ADAM22: variants seen among roughly 807,000 people sequenced by gnomAD.
ADAM22 encodes the protein ADAM metallopeptidase domain 22, also known as disintegrin and metalloproteinase domain-containing protein 22.
ADAM22 carries 65 observed loss-of-function variants against 144.6 expected under a neutral mutation model. That is an observed-to-expected ratio of 0.45 (90% CI 0.37 to 0.55). The LOEUF (loss-of-function observed/expected upper bound fraction) is 0.55. Among genes scored for constraint, ADAM22 ranks in the 20% least tolerant of loss-of-function variants. ADAM22 has a pLI of 0.00. For synonymous variants in ADAM22, 391 were observed against 412.6 expected, an observed-to-expected ratio of 0.95 and a Z score of 0.63; for missense variants, 974 against 1,184.9, an observed-to-expected ratio of 0.82 and a Z score of 2.61.
chr7:88,109,060 C>T (rs1825307594), intron 5 of ADAM22, among the ~76,000 whole-genome samples: 1 of 152,008 alleles, frequency 6.6e-6, no homozygotes, highest in Admixed American at 6.6e-5. Flanking sequence ...ATATTTTTGT[C>T]AAATAATAGC....
intron 3 of ADAM22, among the ~76,000 whole-genome samples, chr7:88,044,097 T>C (rs947239451): frequency 3.0e-4 from 45 of 152,242 alleles, no homozygotes; most frequent in African/African-American, 1.0e-3. Flanking sequence ...ATGTCAGTTA[T>C]TAAAAAGTAG....
intron 3 of ADAM22, among the ~76,000 whole-genome samples, chr7:88,008,852 T>A (rs564763755): frequency 4.2e-4 from 63 of 150,912 alleles, no homozygotes; most frequent in South Asian, 3.6e-3. Context: ...CATATGTAAC[T>A]AACCTGCACA....
intron 2 of ADAM22, among the ~76,000 whole-genome samples, chr7:87,953,269 G>C (rs1344254584): frequency 5.9e-5 from 9 of 151,776 alleles, no homozygotes; most frequent in Non-Finnish European, 1.3e-4. Flanking sequence ...GCTTTCTCTT[G>C]TGGGCATTTA....
chr7:88,151,416 T>A (rs1407321058), intron 20 of ADAM22, 96 bp downstream of exon 20: 2 of 1,360,724 alleles, frequency 1.5e-6, no homozygotes, highest in African/African-American at 2.9e-5. Context: ...GACTACTTTA[T>A]GACTGGGGGA....
intron 3 of ADAM22, among the ~76,000 whole-genome samples, chr7:88,018,611 C>A (rs182039362): frequency 1.6e-3 from 244 of 152,216 alleles, no homozygotes; most frequent in African/African-American, 5.6e-3. Flanking sequence ...CATTTGTTGA[C>A]AATAAGGCAC....
chr7:88,200,885 T>C lies in ADAM22; in HGVS notation c.*4394T>C, dbSNP rs75157727. 831 of 152,368 alleles carry C rather than the reference T, an allele frequency of 5.5e-3. 1 individual carries two copies. The highest frequency in any genetic ancestry group is 0.024 in the Middle Eastern group (7 of 294). 9.4% of individuals were successfully genotyped at this position (152,368 alleles called of 1,614,324 possible). On this transcript the variant is annotated 3_prime_UTR_variant, in exon 32 of 32. Transcript: ENST00000413139. Reference sequence around the variant, plus strand: ...GATAAACAGTTTCCCATTGATAGTATAATATAATGAGGGGCCCAGTCTGCT... The same window carrying C: ...GATAAACAGTTTCCCATTGATAGTACAATATAATGAGGGGCCCAGTCTGCT...
At chr7:87,982,429 C>A (rs1853779832) in intron 3 of ADAM22, among the ~76,000 whole-genome samples, 1 of 151,488 alleles carries the variant, frequency 6.6e-6, no homozygotes, top group African/African-American at 2.4e-5. Flanking sequence ...GAGGCAGGAA[C>A]AAGCTTAGCA....
chr7:88,163,225 A>G, intron 23 of ADAM22, 45 bp downstream of exon 23: 2 of 1,482,488 alleles, frequency 1.3e-6, no homozygotes, highest in Non-Finnish European at 1.8e-6. Flanking sequence ...TTTATATCAC[A>G]GAAATAGACA....
rs140236265 is a variant in ADAM22, at chr7:88,104,568, T to G, written c.391-3608T>G. Among the ~76,000 whole-genome samples the G allele has an allele frequency of 5.6e-3, 845 of 151,288 alleles. 11 individuals carry two copies. Among genetic ancestry groups the G allele is most frequent in the East Asian group, 0.037 (193 of 5,174 alleles). On this transcript the variant is annotated intron_variant, in intron 4 of 31. Transcript: ENST00000413139. ...TTTATATTTAATAATATAGTTTATA[T>G]AAATTAAGAAAGCCCTTTAACAGCC...
At chr7:87,970,156 G>C (rs1443483991) in intron 2 of ADAM22, among the ~76,000 whole-genome samples, 1 of 152,072 alleles carries the variant, frequency 6.6e-6, no homozygotes, top group Non-Finnish European at 1.5e-5. Context: ...ATCCTTTGCA[G>C]CTCTTTTGCC....
At chr7:88,005,158 A>G (rs1029875860) in intron 3 of ADAM22, among the ~76,000 whole-genome samples, 2 of 152,120 alleles carry the variant, frequency 1.3e-5, no homozygotes, top group Non-Finnish European at 2.9e-5. Flanking sequence ...CAAACAAATA[A>G]TTGTGCCCTG....
At chr7:88,167,896 TG>T in intron 24 of ADAM22, among the ~76,000 whole-genome samples, 1 of 152,348 alleles carries the variant, frequency 6.6e-6, no homozygotes, top group East Asian at 1.9e-4. Context: ...TCATGGTTTC[TG>T]GAAAATACAA....
intron 4 of ADAM22, among the ~76,000 whole-genome samples, chr7:88,103,613 G>A (rs1429958221): frequency 6.6e-6 from 1 of 152,064 alleles, no homozygotes; most frequent in Non-Finnish European, 1.5e-5. Context: ...AAGGACAATG[G>A]ATTTATTTCT....
At chr7:88,153,488 T>A (rs1179650437) in intron 21 of ADAM22, among the ~76,000 whole-genome samples, 162 bp downstream of exon 21, 1 of 152,150 alleles carries the variant, frequency 6.6e-6, no homozygotes, top group Non-Finnish European at 1.5e-5. Context: ...GCAGAGGGCT[T>A]CCAAATCTTG....
At chr7:88,134,970 AT>A (rs931507518) in intron 13 of ADAM22, among the ~76,000 whole-genome samples, 1 of 152,072 alleles carries the variant, frequency 6.6e-6, no homozygotes, top group Non-Finnish European at 1.5e-5. Context: ...GATTATTTCC[AT>A]TTTTATTTCA....
chr7:88,119,934 A>T (rs958435548), intron 7 of ADAM22, among the ~76,000 whole-genome samples: 3 of 152,218 alleles, frequency 2.0e-5, no homozygotes, highest in African/African-American at 7.2e-5. Flanking sequence ...AATACCTAGG[A>T]ATAAAATTGC....
chr7:88,089,832 A>C (rs1035649708), intron 4 of ADAM22: 1 of 152,086 alleles, frequency 6.6e-6, no homozygotes, highest in African/African-American at 2.4e-5. Flanking sequence ...CTCTGTGGAG[A>C]TGGGGAGGCT....
At chr7:88,086,874 A>G (rs886129915) in intron 4 of ADAM22, among the ~76,000 whole-genome samples, 2 of 152,330 alleles carry the variant, frequency 1.3e-5, no homozygotes, top group East Asian at 3.9e-4. Flanking sequence ...GAACAGTTAT[A>G]TAGGCTTTAG....
At chr7:88,080,726 G>A (rs1190113287) in intron 4 of ADAM22, among the ~76,000 whole-genome samples, 2 of 152,166 alleles carry the variant, frequency 1.3e-5, no homozygotes, top group East Asian at 1.9e-4. Context: ...ACACCTCTAT[G>A]CAAATAAACT....
Sources: gnomAD v4.1 joint callset for allele counts (sites outside exome capture counted in the v4.1 genomes callset) on GRCh38, gnomAD v4.1.1 for gene constraint, MANE v1.5 for transcripts, NCBI Gene and HGNC (gene_info 2026-07-23, HGNC 2026-07-21) for gene names.